The following CALN1 variants were observed in gnomAD, a reference collection of about 807,000 sequenced individuals.
The protein encoded by CALN1 is calneuron 1, also known as calcium-binding protein 8.
CALN1 carries 17 observed loss-of-function variants against 30.6 expected under a neutral mutation model. The ratio of observed to expected loss-of-function variants is 0.56; its 90% CI spans 0.38 to 0.83. The LOEUF is 0.83. Among genes scored for constraint, CALN1 ranks in the 40% least tolerant of loss-of-function variants. CALN1 has a pLI of 0.00. For synonymous variants in CALN1, 156 were observed against 131.4 expected (o/e 1.19, Z -1.28); for missense variants, 291 against 354.9 (o/e 0.82, Z 1.45).
intron 4 of CALN1, among the ~76,000 whole-genome samples, chr7:72,054,944 A>C (rs1046567301): frequency 6.6e-6 from 1 of 152,174 alleles, no homozygotes; most frequent in Non-Finnish European, 1.5e-5. Flanking sequence ...AGAGCTAGAG[A>C]CTGGGAGGTA....
chr7:72,362,264 CT>C (rs1156249786), intron 2 of CALN1, among the ~76,000 whole-genome samples: 2 of 152,180 alleles, frequency 1.3e-5, no homozygotes, highest in African/African-American at 4.8e-5. Context: ...AATTTGATGA[CT>C]TTTGATAAGT....
intron 2 of CALN1, among the ~76,000 whole-genome samples, chr7:72,362,210 C>T (rs1025712071): frequency 1.3e-5 from 2 of 152,180 alleles, no homozygotes; most frequent in East Asian, 1.9e-4. Flanking sequence ...TTCACAGCTT[C>T]GTTCGTTGCT....
At chr7:72,300,835 A>C (rs182223578) in intron 2 of CALN1, among the ~76,000 whole-genome samples, 8 of 152,152 alleles carry the variant, frequency 5.3e-5, no homozygotes, top group African/African-American at 1.9e-4. Flanking sequence ...TCTACCAAAA[A>C]TACAAAAATT....
intron 5 of CALN1, among the ~76,000 whole-genome samples, chr7:71,904,279 C>T (rs186844121): frequency 2.6e-5 from 4 of 152,066 alleles, no homozygotes; most frequent in Admixed American, 1.3e-4. Context: ...TTCACAATTG[C>T]CAAAATATGG....
At chr7:72,335,777 C>A (rs1801983167) in intron 2 of CALN1, among the ~76,000 whole-genome samples, 2 of 152,206 alleles carry the variant, frequency 1.3e-5, no homozygotes, top group South Asian at 2.1e-4. Flanking sequence ...GTGGCCCGGG[C>A]GCACGTGGCC....
At chr7:72,400,320 G>T (rs1164753161) in intron 2 of CALN1, among the ~76,000 whole-genome samples, 1 of 152,090 alleles carries the variant, frequency 6.6e-6, no homozygotes, top group Non-Finnish European at 1.5e-5. Flanking sequence ...TTGGAATTGA[G>T]ACCACACTGA....
chr7:71,867,272 G>A lies in CALN1; in HGVS notation c.502-56780C>T, dbSNP rs534168722. ...GAAGGCGTCTGTCAGGAAATATGAG[G>A]GAAAAAAGAGGCCAGTCACAATAAC... On this transcript the variant is annotated intron_variant, in intron 5 of 6. Transcript: ENST00000395275. Among the ~76,000 whole-genome samples, 5 of 151,952 alleles carry A rather than the reference G, an allele frequency of 3.3e-5. No homozygotes were observed. The South Asian group carries it at 1.0e-3, about 32-fold the overall frequency.
At chr7:72,205,582 A>ATATATATATATATATATATATATG (rs1554319695) in intron 3 of CALN1, among the ~76,000 whole-genome samples, 4 of 132,682 alleles carry the variant, frequency 3.0e-5, no homozygotes, top group Non-Finnish European at 6.2e-5. Flanking sequence ...ATATATATAT[A>ATATATATATATATATATATATATG]TATATTCAGG....
intron 1 of CALN1, among the ~76,000 whole-genome samples, chr7:72,418,442 C>G (rs1240664397): frequency 6.6e-6 from 1 of 152,168 alleles, no homozygotes; most frequent in Non-Finnish European, 1.5e-5. Flanking sequence ...GTGCAGGTGT[C>G]TTTTTGGTAG....
chr7:71,807,035 G>A (rs1049627619), intron 6 of CALN1, among the ~76,000 whole-genome samples: 2 of 152,200 alleles, frequency 1.3e-5, no homozygotes, highest in Non-Finnish European at 2.9e-5. Context: ...GCTGGACAAG[G>A]CACGCAGCTT....
intron 5 of CALN1, among the ~76,000 whole-genome samples, chr7:71,873,001 A>ATTTTTTTTTT (rs371153112): frequency 1.7e-5 from 2 of 115,618 alleles, no homozygotes; most frequent in Non-Finnish European, 3.4e-5. Flanking sequence ...GTTTGTGACA[A>ATTTTTTTTTT]TTTTTTTTTT....
intron 2 of CALN1, among the ~76,000 whole-genome samples, chr7:72,402,671 C>T (rs1347798226): frequency 6.6e-6 from 1 of 152,174 alleles, no homozygotes; most frequent in African/African-American, 2.4e-5. Flanking sequence ...AGGCCTGTGG[C>T]TTGGTAGCAT....
rs1388997788 is a variant in CALN1 at position 71,979,231 on chromosome 7, G to A, written c.501+44426C>T. 3.9e-5 allele frequency among the ~76,000 whole-genome samples: 6 copies of A among 152,268 alleles called. No individual in the cohort carries two copies. In the East Asian group the frequency reaches 1.2e-3, roughly 29 times the overall value. On this transcript the variant is annotated intron_variant, in intron 5 of 6. Coordinates refer to ENST00000395275, the MANE Select transcript of CALN1 (RefSeq NM_031468.4). ...ATTTTTCCTAGGACTGGGGAGAGGG[G>A]ATGGTTTTGGGGATGATTCAAGCAC... is the stretch of plus-strand genomic sequence containing the variant.
Position 71,878,992 on chromosome 7 carries a change from C to G in CALN1, c.502-68500G>C, listed in dbSNP as rs535777087. On this transcript the variant is annotated intron_variant, in intron 5 of 6. Transcript: ENST00000395275. The stretch of plus-strand genomic sequence containing the variant: ...CTTCCAATGGAACTTGCAGTTTTGA[C>G]GATGGCAGTGAACTGAGGACTTATG... Among the ~76,000 whole-genome samples the G allele has an allele frequency of 3.9e-5, 6 of 152,222 alleles. No individual in the cohort carries two copies. In the South Asian group the frequency reaches 8.3e-4, roughly 21 times the overall value.
At chr7:72,433,176 A>C (rs1277349400) in intron 1 of CALN1, among the ~76,000 whole-genome samples, 1 of 152,168 alleles carries the variant, frequency 6.6e-6, no homozygotes, top group Non-Finnish European at 1.5e-5. Flanking sequence ...CCCTTGGAGA[A>C]GTCTTTGAGA....
chr7:72,088,924 T>C (rs897285022), intron 4 of CALN1, among the ~76,000 whole-genome samples: 2 of 152,096 alleles, frequency 1.3e-5, no homozygotes, highest in African/African-American at 4.8e-5. Flanking sequence ...ATGCTTGAAG[T>C]AGACTTCCTG....
At chr7:71,848,157 C>G (rs965930578) in intron 5 of CALN1, among the ~76,000 whole-genome samples, 1 of 152,158 alleles carries the variant, frequency 6.6e-6, no homozygotes, top group African/African-American at 2.4e-5. Context: ...GAGAATGGTA[C>G]TTTGGGAATG....
intron 2 of CALN1, among the ~76,000 whole-genome samples, chr7:72,370,661 A>G (rs1372546798): frequency 3.3e-5 from 5 of 151,862 alleles, no homozygotes; most frequent in Non-Finnish European, 7.4e-5. Flanking sequence ...CGTCTCAAAA[A>G]AAAAAAAAAA....
chr7:72,392,822 G>T (rs1333956652), intron 2 of CALN1, among the ~76,000 whole-genome samples: 1 of 131,984 alleles, frequency 7.6e-6, no homozygotes, highest in Non-Finnish European at 1.6e-5. Flanking sequence ...AATTAAAAAA[G>T]ACCCTGTTTC....
Sources: gnomAD v4.1 joint callset for allele counts (sites outside exome capture counted in the v4.1 genomes callset) on GRCh38, gnomAD v4.1.1 for gene constraint, MANE v1.5 for transcripts, NCBI Gene and HGNC (gene_info 2026-07-23, HGNC 2026-07-21) for gene names.